NTM: variants seen among roughly 807,000 people sequenced by gnomAD.
NTM encodes IgLON family member 2.
A neutral mutation model predicts 42.1 loss-of-function variants in NTM; 13 were observed. The observed-to-expected ratio is 0.31, with a 90% CI of 0.20 to 0.49. NTM has a LOEUF of 0.49. NTM is among the 20% of genes least tolerant of loss of function. The pLI, the probability that NTM is intolerant of heterozygous loss-of-function variation, is 0.99. For synonymous variants in NTM, 187 were observed against 179.2 expected, an observed-to-expected ratio of 1.04 and a Z score of -0.35; for missense variants, 373 against 452.8, an observed-to-expected ratio of 0.82 and a Z score of 1.60.
chr11:131,747,688 G>A (rs977244517), intron 1 of NTM, among the ~76,000 whole-genome samples: 1 of 152,170 alleles, frequency 6.6e-6, no homozygotes, highest in African/African-American at 2.4e-5. Flanking sequence ...AGAGAGCCTT[G>A]TATCACATGA....
intron 1 of NTM, among the ~76,000 whole-genome samples, chr11:131,515,386 C>T (rs2048769942): frequency 6.6e-6 from 1 of 152,146 alleles, no homozygotes; most frequent in African/African-American, 2.4e-5. Flanking sequence ...CAGTCCTCTC[C>T]CTGTGGTAGA....
chr11:131,404,814 T>A lies in NTM; in HGVS notation c.82+33926T>A, dbSNP rs571078788. On this transcript the variant is annotated intron_variant, in intron 1 of 8. Coordinates refer to ENST00000683400, the MANE Select transcript of NTM (RefSeq NM_001352005.2). ...AGTGATAGGCATTGCTGGTACTACA[T>A]GTGTTAGGGTTAATTGCCATTTAAA... Among the ~76,000 whole-genome samples, 4 of 152,318 alleles carry A rather than the reference T, an allele frequency of 2.6e-5. No individual in the cohort carries two copies. In the South Asian group the frequency reaches 8.3e-4, roughly 32 times the overall value.
In NTM at chr11:131,544,115, G is replaced by A. The variant is rs2053625523; in HGVS notation, c.82+173227G>A. On this transcript the variant is annotated intron_variant, in intron 1 of 8. Coordinates refer to ENST00000683400, the MANE Select transcript of NTM (RefSeq NM_001352005.2). The stretch of plus-strand genomic sequence containing the variant: ...TGCATGCAGGTCAGTCCCATGGAAT[G>A]GATCATGGGCTGACTTCAAGATTAG... 2.0e-5 allele frequency among the ~76,000 whole-genome samples: 3 copies of A among 152,160 alleles called. No individual in the cohort carries two copies. The South Asian group carries it at 6.2e-4, about 32-fold the overall frequency.
At chr11:131,739,478 G>T (rs1401547550) in intron 1 of NTM, among the ~76,000 whole-genome samples, 4 of 152,150 alleles carry the variant, frequency 2.6e-5, no homozygotes, top group Non-Finnish European at 5.9e-5. Context: ...AGTGAGAAAG[G>T]TTTGTGTCTC....
At chr11:132,044,134 G>GTA (rs2077626266) in intron 2 of NTM, among the ~76,000 whole-genome samples, 1 of 144,946 alleles carries the variant, frequency 6.9e-6, no homozygotes, top group East Asian at 2.0e-4. Context: ...GTATATATGT[G>GTA]TGTGTGTATG....
intron 1 of NTM, among the ~76,000 whole-genome samples, chr11:131,509,042 AAATAAT>A (rs150012578): frequency 1.3e-5 from 2 of 151,868 alleles, no homozygotes; most frequent in African/African-American, 4.8e-5. Flanking sequence ...TAATAATAAA[AAATAAT>A]AATAATAAAA....
At chr11:131,533,539 C>T (rs1301746982) in intron 1 of NTM, among the ~76,000 whole-genome samples, 1 of 152,126 alleles carries the variant, frequency 6.6e-6, no homozygotes, top group Non-Finnish European at 1.5e-5. Flanking sequence ...GCTGCTTGGC[C>T]CAATGACTAT....
At chr11:131,705,897 C>A (rs1360473585) in intron 1 of NTM, among the ~76,000 whole-genome samples, 1 of 151,904 alleles carries the variant, frequency 6.6e-6, no homozygotes, top group African/African-American at 2.4e-5. Context: ...AAAATCAAAT[C>A]ACAGAGGAAG....
chr11:131,940,017 T>C (rs141685132), intron 2 of NTM, among the ~76,000 whole-genome samples: 189 of 152,342 alleles, frequency 1.2e-3, no homozygotes, highest in African/African-American at 4.3e-3. Context: ...AGTTCTGCTC[T>C]AGAGGTTCAA....
intron 1 of NTM, among the ~76,000 whole-genome samples, chr11:131,661,872 A>G (rs1048799186): frequency 1.3e-5 from 2 of 152,136 alleles, no homozygotes; most frequent in Admixed American, 1.3e-4. Flanking sequence ...AAAACATTCT[A>G]TTTAACAGTC....
chr11:131,464,563 T>A (rs1951715600), intron 1 of NTM, among the ~76,000 whole-genome samples: 1 of 152,158 alleles, frequency 6.6e-6, no homozygotes, highest in Non-Finnish European at 1.5e-5. Context: ...CTTTTCACTC[T>A]CCTTTTCCTT....
chr11:131,670,879 G>T (rs1297386165), intron 1 of NTM, among the ~76,000 whole-genome samples: 1 of 152,102 alleles, frequency 6.6e-6, no homozygotes, highest in East Asian at 1.9e-4. Flanking sequence ...CCCTCTGTGA[G>T]CAATCCTAGG....
chr11:132,091,188 G>A lies in NTM; in HGVS notation c.168-55094G>A, dbSNP rs532072177. Among the ~76,000 whole-genome samples the A allele has an allele frequency of 8.5e-5, 13 of 152,156 alleles. No homozygotes were observed. In the South Asian group the frequency reaches 1.0e-3, roughly 12 times the overall value. ...GAAGATTGCTTGAGCCTAGGAGCTCGAAACCAGCCTGATCAACATGGCAAA... is the reference window on the plus strand; with the variant it reads ...GAAGATTGCTTGAGCCTAGGAGCTCAAAACCAGCCTGATCAACATGGCAAA... On this transcript the variant is annotated intron_variant, in intron 2 of 8. Transcript: ENST00000683400.
intron 1 of NTM, among the ~76,000 whole-genome samples, chr11:131,393,610 C>T (rs1944258556): frequency 6.6e-6 from 1 of 152,214 alleles, no homozygotes; most frequent in Non-Finnish European, 1.5e-5. Context: ...CCCACCACCA[C>T]CTCCCAGGGT....
intron 1 of NTM, among the ~76,000 whole-genome samples, chr11:131,905,532 C>T (rs78965098): frequency 0.034 from 5,231 of 152,290 alleles, 136 homozygotes; most frequent in Middle Eastern, 0.058. Context: ...CCCATCCCTT[C>T]ATCTCCAGCT....
intron 1 of NTM, among the ~76,000 whole-genome samples, chr11:131,563,323 G>T (rs886161733): frequency 6.6e-6 from 1 of 151,882 alleles, no homozygotes. Flanking sequence ...GTAATTTATC[G>T]GGTAGTGGGA....
intron 3 of NTM, among the ~76,000 whole-genome samples, chr11:132,173,658 C>A (rs1384006069): frequency 1.3e-5 from 2 of 152,136 alleles, no homozygotes; most frequent in Non-Finnish European, 2.9e-5. Context: ...ATTATGAAAA[C>A]CAGCTTGTGG....
At chr11:132,191,901 T>C (rs61906020) in intron 3 of NTM, among the ~76,000 whole-genome samples, 1,843 of 152,164 alleles carry the variant, frequency 0.012, 19 homozygotes, top group East Asian at 0.029. Context: ...ACAGAATAGA[T>C]CAAGCTGAGG....
intron 1 of NTM, among the ~76,000 whole-genome samples, chr11:131,503,172 G>A (rs1031628733): frequency 4.6e-5 from 7 of 152,166 alleles, no homozygotes; most frequent in East Asian, 1.9e-4. Flanking sequence ...AAGGGGAGCC[G>A]TTGATGATGA....
Sources: allele counts gnomAD v4.1 joint callset (sites outside exome capture counted in the v4.1 genomes callset), GRCh38; gene constraint gnomAD v4.1.1; transcripts MANE v1.5; gene names NCBI Gene and HGNC (gene_info 2026-07-23, HGNC 2026-07-21).